The following KANSL1L variants were observed in gnomAD, a reference collection of about 807,000 sequenced individuals.
KANSL1L encodes the protein KAT8 regulatory NSL complex subunit 1 like.
Under a neutral mutation model 108.6 loss-of-function variants are expected in KANSL1L, and 25 were observed. The observed-to-expected ratio is 0.23, with a 90% CI of 0.17 to 0.32. KANSL1L has a LOEUF of 0.32. Among genes scored for constraint, KANSL1L ranks in the 10% least tolerant of loss-of-function variants. KANSL1L has a pLI of 1.00. For synonymous variants in KANSL1L, 405 were observed against 395.1 expected (o/e 1.03, Z -0.30); for missense variants, 1,137 against 1,125.7 (o/e 1.01, Z -0.14).
chr2:210,124,898 T>G (rs576048762), intron 3 of KANSL1L, among the ~76,000 whole-genome samples: 2 of 152,226 alleles, frequency 1.3e-5, no homozygotes, highest in Non-Finnish European at 2.9e-5. Flanking sequence ...TTAAATAACC[T>G]AGATTACATG....
intron 6 of KANSL1L, among the ~76,000 whole-genome samples, chr2:210,052,001 C>CTT (rs546815241): frequency 2.5e-4 from 34 of 134,386 alleles, no homozygotes; most frequent in South Asian, 4.7e-4. Flanking sequence ...TTCTTCTTTC[C>CTT]TTTTTTTTTT....
chr2:210,161,691 G>T (rs1227540788), intron 1 of KANSL1L, among the ~76,000 whole-genome samples: 1 of 152,108 alleles, frequency 6.6e-6, no homozygotes, highest in East Asian at 1.9e-4. Context: ...GTAGAAATTA[G>T]ATGTACATAT....
intron 3 of KANSL1L, among the ~76,000 whole-genome samples, chr2:210,125,395 A>G (rs1004151841): frequency 2.0e-5 from 3 of 152,224 alleles, no homozygotes; most frequent in Non-Finnish European, 2.9e-5. Flanking sequence ...TTTTTAAAGA[A>G]GACCAAATAG....
At chr2:210,158,832 A>G (rs2095347263) in intron 1 of KANSL1L, among the ~76,000 whole-genome samples, 1 of 152,208 alleles carries the variant, frequency 6.6e-6, no homozygotes, top group Admixed American at 6.5e-5. Flanking sequence ...CACAAAATAT[A>G]AGTACATTTC....
At chr2:210,150,312 A>G (rs2095293493) in intron 2 of KANSL1L, among the ~76,000 whole-genome samples, 1 of 152,200 alleles carries the variant, frequency 6.6e-6, no homozygotes, top group Non-Finnish European at 1.5e-5. Flanking sequence ...TTGGTGAAAA[A>G]TAGGAGGTAC....
intron 6 of KANSL1L, among the ~76,000 whole-genome samples, chr2:210,059,115 G>A (rs982853593): frequency 1.3e-5 from 2 of 149,682 alleles, no homozygotes; most frequent in African/African-American, 5.0e-5. Flanking sequence ...TCCAGCCTGG[G>A]TGACAGAGCG....
intron 1 of KANSL1L, among the ~76,000 whole-genome samples, chr2:210,167,448 T>C (rs558319367): frequency 2.0e-5 from 3 of 152,152 alleles, no homozygotes; most frequent in Admixed American, 1.3e-4. Context: ...AGCAGAATTA[T>C]TACTTTTCAC....
chr2:210,073,670 C>T (rs551442292), intron 6 of KANSL1L, among the ~76,000 whole-genome samples: 133 of 152,040 alleles, frequency 8.7e-4, no homozygotes, highest in African/African-American at 3.1e-3. Context: ...ACAGAAAGTT[C>T]TATGGTTCTC....
At chr2:210,036,027 C>T (rs1220818379) in intron 8 of KANSL1L, among the ~76,000 whole-genome samples, 4 of 152,286 alleles carry the variant, frequency 2.6e-5, no homozygotes, top group Admixed American at 2.0e-4. Flanking sequence ...CTGGAACGCT[C>T]CACCCTTCTT....
chr2:210,168,946 C>T (rs898599681), intron 1 of KANSL1L, among the ~76,000 whole-genome samples: 2 of 152,048 alleles, frequency 1.3e-5, no homozygotes, highest in Middle Eastern at 6.3e-3. Flanking sequence ...TTCTCTCAAG[C>T]ACTTTACAAT....
intron 5 of KANSL1L, among the ~76,000 whole-genome samples, chr2:210,081,696 CTGTACATACACATA>C (rs1226665243): frequency 6.6e-6 from 1 of 152,160 alleles, no homozygotes; most frequent in Non-Finnish European, 1.5e-5. Flanking sequence ...TGGAGAAATA[CTGTACATACACATA>C]TGTTGTCAGG....
At chr2:210,130,266 G>T (rs915887392) in intron 2 of KANSL1L, among the ~76,000 whole-genome samples, 1 of 152,092 alleles carries the variant, frequency 6.6e-6, no homozygotes, top group Non-Finnish European at 1.5e-5. Flanking sequence ...GTAGGAACAG[G>T]GGATATGTGG....
intron 3 of KANSL1L, among the ~76,000 whole-genome samples, chr2:210,105,741 T>C (rs1363665380): frequency 6.6e-6 from 1 of 152,074 alleles, no homozygotes; most frequent in Non-Finnish European, 1.5e-5. Context: ...AAATGCGCTT[T>C]TTAAAAAAAT....
chr2:210,137,211 T>C (rs1161726018), intron 2 of KANSL1L, among the ~76,000 whole-genome samples: 1 of 152,204 alleles, frequency 6.6e-6, no homozygotes, highest in Non-Finnish European at 1.5e-5. Context: ...AAGCAAAATA[T>C]CTTTAAAGCT....
chr2:210,084,290 C>T (rs1054804739), intron 5 of KANSL1L, among the ~76,000 whole-genome samples: 2 of 151,848 alleles, frequency 1.3e-5, no homozygotes, highest in South Asian at 2.1e-4. Flanking sequence ...GGTGTGATGG[C>T]GGGCACCTGT....
intron 3 of KANSL1L, among the ~76,000 whole-genome samples, chr2:210,127,859 A>G (rs1348949941): frequency 6.6e-6 from 1 of 150,966 alleles, no homozygotes; most frequent in Non-Finnish European, 1.5e-5. Flanking sequence ...TATAAATCAT[A>G]TATCTGATAA....
chr2:210,052,801 A>T (rs981018923), intron 6 of KANSL1L, among the ~76,000 whole-genome samples: 9 of 152,202 alleles, frequency 5.9e-5, no homozygotes, highest in Admixed American at 5.9e-4. Flanking sequence ...ATATTTCTTT[A>T]CTAGAAGATA....
intron 6 of KANSL1L, among the ~76,000 whole-genome samples, chr2:210,050,079 C>T (rs1475953419): frequency 6.6e-6 from 1 of 152,180 alleles, no homozygotes; most frequent in Non-Finnish European, 1.5e-5. Context: ...AGGCAGCTGT[C>T]ATTTGCAGAA....
chr2:210,028,821 A>G, intron 11 of KANSL1L, 24 bp downstream of exon 11: 1 of 1,484,870 alleles, frequency 6.7e-7, no homozygotes, highest in Non-Finnish European at 9.1e-7. Flanking sequence ...AGGAAGAAAA[A>G]TATGAAGATG....
Sources: gnomAD v4.1 joint callset for allele counts (sites outside exome capture counted in the v4.1 genomes callset) on GRCh38, gnomAD v4.1.1 for gene constraint, MANE v1.5 for transcripts, NCBI Gene and HGNC (gene_info 2026-07-23, HGNC 2026-07-21) for gene names.